Variants in ABCC3 observed in about 807,000 individuals in gnomAD.
ABCC3 encodes the protein ATP-binding cassette sub-family C member 3.
Under a neutral mutation model 165.3 loss-of-function variants are expected in ABCC3, and 121 were observed. The ratio of observed to expected loss-of-function variants is 0.73; its 90% CI spans 0.63 to 0.85. ABCC3 has a LOEUF of 0.85. Ranked by LOEUF, ABCC3 falls within the 40% of genes least tolerant of loss-of-function variation. The pLI is 0.00. For missense variants in ABCC3, 1,869 were observed against 1,964.1 expected (o/e 0.95, Z 0.92); for synonymous variants, 733 against 810.1 (o/e 0.90, Z 1.62).
At chr17:50,654,012 G>A (rs1156291335) in intron 1 of ABCC3, among the ~76,000 whole-genome samples, 1 of 152,142 alleles carries the variant, frequency 6.6e-6, no homozygotes, top group Non-Finnish European at 1.5e-5. Flanking sequence ...ATTAAGTTGG[G>A]TTTCAGTTCA....
chr17:50,673,984 C>CCTTCCTTCCTTCCT (rs1967730159), intron 19 of ABCC3, among the ~76,000 whole-genome samples: 6 of 11,544 alleles, frequency 5.2e-4, no homozygotes, highest in Non-Finnish European at 5.9e-4. Flanking sequence ...TTCTTTCTCT[C>CCTTCCTTCCTTCCT]TCTCTCTCTC....
At chr17:50,659,495 T>C (rs981683780) in intron 7 of ABCC3, 127 bp downstream of exon 7, 7 of 1,178,198 alleles carry the variant, frequency 5.9e-6, no homozygotes, top group Non-Finnish European at 8.1e-6. Flanking sequence ...AGGTGATTTC[T>C]TGGCAGCCTC....
At chr17:50,669,602 A>G in intron 17 of ABCC3, 74 bp downstream of exon 17, 1 of 1,498,334 alleles carries the variant, frequency 6.7e-7, no homozygotes, top group Non-Finnish European at 9.1e-7. Flanking sequence ...AGGTCCATAT[A>G]TTCATCCCTT....
At chr17:50,638,446 C>T (rs1007617967) in intron 1 of ABCC3, among the ~76,000 whole-genome samples, 6 of 152,140 alleles carry the variant, frequency 3.9e-5, no homozygotes, top group African/African-American at 1.4e-4. Context: ...TATGTAAGGA[C>T]ATGGTTAGTG....
At chr17:50,651,875 TTGCTGACAAATTTTA>T (rs1161127987) in intron 1 of ABCC3, among the ~76,000 whole-genome samples, 1 of 152,238 alleles carries the variant, frequency 6.6e-6, no homozygotes, top group Non-Finnish European at 1.5e-5. Flanking sequence ...TTTGTTTTTC[TTGCTGACAAATTTTA>T]TAATATAAAG....
rs769480938 is a variant in ABCC3, at chr17:50,691,125, AT to A, written c.4512del (p.Phe1504LeufsTer29). On this transcript the variant is annotated frameshift_variant, in exon 31 of 31. Transcript: ENST00000285238. LOFTEE classifies it high-confidence loss of function. ...LVLDKGVVAE[F>X]DSPANLIAAR... Reference sequence around the variant, plus strand: ...TCCTGGACAAAGGAGTAGTAGCTGAATTTGATTCTCCAGCCAACCTCATTGC... The same window carrying A: ...TCCTGGACAAAGGAGTAGTAGCTGAATTGATTCTCCAGCCAACCTCATTGC... 6.2e-7 allele frequency: 1 copy of A among 1,613,960 alleles called. No individual in the cohort carries two copies. The highest frequency in any genetic ancestry group is 8.5e-7 in the Non-Finnish European group (1 of 1,179,876).
intron 29 of ABCC3, among the ~76,000 whole-genome samples, chr17:50,686,618 A>G (rs983105302): frequency 2.0e-5 from 3 of 151,626 alleles, no homozygotes; most frequent in Non-Finnish European, 2.9e-5. Context: ...CTTGCTCTCA[A>G]CACTTCCCCC....
chr17:50,672,232 A>T (rs1967663622), intron 17 of ABCC3, among the ~76,000 whole-genome samples: 1 of 152,158 alleles, frequency 6.6e-6, no homozygotes, highest in Non-Finnish European at 1.5e-5. Context: ...TTTCAACCAT[A>T]TCACCTAGGT....
Position 50,664,015 on chromosome 17 carries a change from A to G in ABCC3, c.1242A>G (p.Ser414=). ...STVGEIVNLM[S]VDAQRFMDLA... ...TGGGGGAAATTGTCAACCTCATGTC[A>G]GTGGATGCCCAGCGCTTCATGGACC... is the stretch of plus-strand genomic sequence containing the variant. Residue 414 remains serine (S), a synonymous_variant, in exon 10 of 31, where the codon TCA becomes TCG. Coordinates refer to ENST00000285238, the MANE Select transcript of ABCC3 (RefSeq NM_003786.4). The G allele has an allele frequency of 3.7e-6, 6 of 1,614,120 alleles. No individual in the cohort carries two copies. The highest frequency in any genetic ancestry group is 5.1e-6 in the Non-Finnish European group (6 of 1,179,982).
intron 17 of ABCC3, among the ~76,000 whole-genome samples, chr17:50,671,741 G>A (rs913763121): frequency 9.3e-6 from 1 of 107,656 alleles, no homozygotes; most frequent in African/African-American, 3.4e-5. Context: ...TTGAGACAAG[G>A]CTTCACTCTG....
chr17:50,661,214 C>A, intron 8 of ABCC3, 100 bp downstream of exon 8: 2 of 1,261,932 alleles, frequency 1.6e-6, no homozygotes, highest in South Asian at 1.7e-5. Flanking sequence ...GAACCCCAGA[C>A]CAGGAACCAG....
chr17:50,658,729 C>T, intron 6 of ABCC3, among the ~76,000 whole-genome samples: 1 of 152,338 alleles, frequency 6.6e-6, no homozygotes, highest in South Asian at 2.1e-4. Context: ...CTGCATCTGG[C>T]AGGCTGTGGG....
chr17:50,690,807 G>C (rs1968110561), intron 30 of ABCC3, among the ~76,000 whole-genome samples: 1 of 152,384 alleles, frequency 6.6e-6, no homozygotes, highest in South Asian at 2.1e-4. Flanking sequence ...CTGAAGTCCT[G>C]TGACCCCGGC....
intron 1 of ABCC3, among the ~76,000 whole-genome samples, chr17:50,647,597 C>T (rs1269755457): frequency 6.6e-6 from 1 of 152,194 alleles, no homozygotes; most frequent in East Asian, 1.9e-4. Flanking sequence ...CCCATGTCCA[C>T]AGGGTGAACT....
At chr17:50,689,092 C>G (rs1046242226) in intron 30 of ABCC3, among the ~76,000 whole-genome samples, 4 of 152,154 alleles carry the variant, frequency 2.6e-5, no homozygotes, top group Non-Finnish European at 5.9e-5. Flanking sequence ...GTCCCAGCTG[C>G]TCAGGAGGCT....
intron 25 of ABCC3, chr17:50,679,552 A>C (rs1710380058): frequency 2.7e-6 from 1 of 376,462 alleles, no homozygotes; most frequent in Admixed American, 4.1e-5. Flanking sequence ...ATACATATTA[A>C]AGTTGGAGAA....
chr17:50,669,653 A>T (rs1233973817), intron 17 of ABCC3, 125 bp downstream of exon 17: 1 of 994,276 alleles, frequency 1.0e-6, no homozygotes, highest in African/African-American at 1.6e-5. Context: ...ACTCTGTGCC[A>T]GGCACTGGGG....
Position 50,668,838 on chromosome 17 carries a change from C to T in ABCC3, c.1871-15C>T, listed in dbSNP as rs955940590. The T allele has an allele frequency of 3.7e-6, 6 of 1,613,428 alleles. No individual in the cohort carries two copies. Among genetic ancestry groups the T allele is most frequent in the African/African-American group, 2.7e-5 (2 of 74,968 alleles). ...TGAGCTCCCTCCCTGACCCTGCCCA[C>T]CTTGGTCCTCTCAGGCTATGCCATC... On this transcript the variant is annotated splice_polypyrimidine_tract_variant and intron_variant, in intron 14 of 30. Transcript: ENST00000285238.
intron 19 of ABCC3, among the ~76,000 whole-genome samples, chr17:50,673,900 T>TTTTCTTTCTTTTTC (rs1967705953): frequency 7.6e-6 from 1 of 131,514 alleles, no homozygotes; most frequent in Non-Finnish European, 1.7e-5. Context: ...TCAGAGCCTG[T>TTTTCTTTCTTTTTC]TTTCTTTCTT....
Sources: gnomAD v4.1 joint callset for allele counts (sites outside exome capture counted in the v4.1 genomes callset) on GRCh38, gnomAD v4.1.1 for gene constraint, MANE v1.5 for transcripts, NCBI Gene and HGNC (gene_info 2026-07-23, HGNC 2026-07-21) for gene names.